NISCH: variants seen among roughly 807,000 people sequenced by gnomAD.
NISCH encodes the protein I-1 receptor candidate protein.
NISCH carries 55 observed loss-of-function variants against 138.4 expected under a neutral mutation model. That is an observed-to-expected ratio of 0.40 (90% CI 0.32 to 0.50). NISCH has a LOEUF of 0.50. Among genes scored for constraint, NISCH ranks in the 20% least tolerant of loss-of-function variants. The probability of loss-of-function intolerance (pLI) is 0.71; values close to 1 mark genes in which losing one functional copy is unlikely to be tolerated. For synonymous variants in NISCH, 860 were observed against 861.5 expected, an observed-to-expected ratio of 1.00 and a Z score of 0.03; for missense variants, 1,643 against 2,005.5, an observed-to-expected ratio of 0.82 and a Z score of 3.45.
chr3:52,465,200 G>A (rs568436630), intron 3 of NISCH, among the ~76,000 whole-genome samples: 2 of 152,054 alleles, frequency 1.3e-5, no homozygotes, highest in Non-Finnish European at 2.9e-5. Flanking sequence ...CACCATCTCG[G>A]CTCACTGCAG....
Position 52,487,301 on chromosome 3 carries a change from C to T in NISCH, c.1809C>T (p.Ile603=). 6.2e-7 allele frequency: 1 copy of T among 1,614,182 alleles called. No individual in the cohort carries two copies. The highest frequency in any genetic ancestry group is 8.5e-7 in the Non-Finnish European group (1 of 1,180,050). Residue 603 remains isoleucine, a synonymous_variant, in exon 16 of 21, where the codon ATC becomes ATT. Coordinates refer to ENST00000345716, the MANE Select transcript of NISCH (RefSeq NM_007184.4). This position sits in a 1 kb window ranked among gnomAD's most constrained non-coding sequence, Gnocchi z 9.1. ...IGYTATNQDF[I]QRLSTLIRQA... ...ACACGGCCACCAATCAGGACTTCATCCAGCGCCTGAGCACACTGATCCGGC... is the reference window on the plus strand; with the variant it reads ...ACACGGCCACCAATCAGGACTTCATTCAGCGCCTGAGCACACTGATCCGGC...
chr3:52,472,181 G>T, intron 5 of NISCH, 122 bp from the exon 6 acceptor site: 1 of 1,058,962 alleles, frequency 9.4e-7, no homozygotes, highest in Non-Finnish European at 1.4e-6. Context: ...TTAAGTCCTG[G>T]CCTGAGCCTG....
Position 52,471,851 on chromosome 3 carries a change from T to C in NISCH, c.447T>C (p.Ile149=). The C allele has an allele frequency of 6.2e-7, 1 of 1,613,930 alleles. No homozygotes were observed. The highest frequency in any genetic ancestry group is 1.7e-5 in the Admixed American group (1 of 60,014). ...TGGGGGCCGGCGAGGTCTTTGCCAT[T>C]GGACCCCTGCAGCTGTATGCCGTCA... ...QLLGAGEVFA[I]GPLQLYAVTE... Residue 149 remains isoleucine, a synonymous_variant, in exon 5 of 21, where the codon ATT becomes ATC. Transcript: ENST00000345716.
At position 52,488,350 on chromosome 3, in the gene NISCH, T is replaced by C; in HGVS notation, c.2858T>C (p.Leu953Pro). 6.2e-7 allele frequency: 1 copy of C among 1,613,598 alleles called. No homozygotes were observed. The highest frequency in any genetic ancestry group is 8.5e-7 in the Non-Finnish European group (1 of 1,180,012). ...CGTGTGCCGCTCTCCACCGTGCTGC[T>C]GGACCCCACACGCAGCTGTACCCAG... ...LSRVPLSTVLLDPTRSCTQPR... is the reference protein window; with the variant it reads ...LSRVPLSTVLPDPTRSCTQPR... Residue 953 changes from leucine (L) to proline (P), a missense_variant, in exon 16 of 21, where the codon CTG becomes CCG. Coordinates refer to ENST00000345716, the MANE Select transcript of NISCH (RefSeq NM_007184.4).
At chr3:52,457,968 G>T in intron 2 of NISCH, 42 bp downstream of exon 2, 1 of 1,485,250 alleles carries the variant, frequency 6.7e-7, no homozygotes, top group Non-Finnish European at 9.4e-7. Context: ...AGGGCTGGGG[G>T]ACCCGTAGGC....
chr3:52,471,227 GCA>G (rs1343637182), intron 4 of NISCH: 11 of 462,084 alleles, frequency 2.4e-5, no homozygotes, highest in Non-Finnish European at 3.1e-5. Flanking sequence ...CTGCCAGAGA[GCA>G]CAGTTATAGT....
intron 20 of NISCH, 21 bp downstream of exon 20, chr3:52,491,534 C>T (rs778177135): frequency 1.3e-6 from 2 of 1,598,350 alleles, no homozygotes; most frequent in Admixed American, 1.7e-5. Flanking sequence ...CTAGCTCAGG[C>T]TGCAGACAGG....
rs555660044 is a variant in NISCH, at chr3:52,474,559, G to A, written c.765+730G>A. 5.2e-3 allele frequency among the ~76,000 whole-genome samples: 785 copies of A among 152,208 alleles called. 6 individuals carry two copies. Among genetic ancestry groups the A allele is most frequent in the Non-Finnish European group, 7.4e-3 (504 of 68,006 alleles). On this transcript the variant is annotated intron_variant, in intron 7 of 20. Transcript: ENST00000345716. ...GATCCACCCGCCTCGGCCTCCCAAA[G>A]TGCTGGGATTACAGGCGTGAGCCAC...
At chr3:52,479,093 C>T (rs181895449) in intron 11 of NISCH, among the ~76,000 whole-genome samples, 13 of 152,306 alleles carry the variant, frequency 8.5e-5, no homozygotes, top group African/African-American at 2.9e-4. Flanking sequence ...TTGTGTCCCA[C>T]CTCCCTCTTT....
chr3:52,477,648 GC>G lies in NISCH; in HGVS notation c.987+8del, dbSNP rs777465008. 6.2e-7 allele frequency: 1 copy of G among 1,611,660 alleles called. No individual in the cohort carries two copies. Among genetic ancestry groups the G allele is most frequent in the East Asian group, 2.2e-5 (1 of 44,880 alleles). On this transcript the variant is annotated splice_region_variant and intron_variant, in intron 9 of 20. Transcript: ENST00000345716. ...TGGTTGTGGACAATCTGCAGGTAGT[GC>G]CTTTGGAGACCAGTGCTGCCCGCAC...
At chr3:52,468,894 T>A (rs1706861005) in intron 3 of NISCH, among the ~76,000 whole-genome samples, 1 of 151,246 alleles carries the variant, frequency 6.6e-6, no homozygotes, top group Admixed American at 6.6e-5. Flanking sequence ...GCCCAAGAAG[T>A]CATGAAGGAT....
At position 52,490,842 on chromosome 3, in the gene NISCH, C is replaced by T. The variant is rs555522650; in HGVS notation, c.3742+9C>T. On this transcript the variant is annotated intron_variant, in intron 19 of 20. Coordinates refer to ENST00000345716, the MANE Select transcript of NISCH (RefSeq NM_007184.4). ...GCATTTCCGGCTGACGGGTGGGTGA[C>T]CCTCTGTGCTTTGTCCTATTTCGGG... 1,497 of 1,614,018 alleles carry T rather than the reference C, an allele frequency of 9.3e-4. 29 individuals are homozygous for T. In the South Asian group the frequency reaches 0.016, roughly 17 times the overall value.
chr3:52,479,665 C>A, intron 11 of NISCH, 84 bp from the exon 12 acceptor site: 1 of 970,440 alleles, frequency 1.0e-6, no homozygotes, highest in Non-Finnish European at 1.6e-6. Flanking sequence ...GCTCACCAGT[C>A]CCCATGCTGA....
In NISCH at chr3:52,490,979, T is replaced by C; in HGVS notation, c.3742+146T>C. On this transcript the variant is annotated intron_variant, in intron 19 of 20. Transcript: ENST00000345716. ...CTTAACCGGGGTGGGAGGAAGCAGC[T>C]TCAGGAACTGCTGAGAGAGCAGAAC... 5.1e-6 allele frequency: 6 copies of C among 1,177,130 alleles called. No homozygotes were observed. The South Asian group carries it at 7.3e-5, about 14-fold the overall frequency. 72.9% of individuals were successfully genotyped at this position (1,177,130 alleles called of 1,614,324 possible).
At position 52,471,849 on chromosome 3, in the gene NISCH, A is replaced by G. The variant is rs770757777; in HGVS notation, c.445A>G (p.Ile149Val). The G allele has an allele frequency of 1.9e-6, 3 of 1,613,932 alleles. No individual in the cohort carries two copies. The highest frequency in any genetic ancestry group is 2.7e-5 in the African/African-American group (2 of 75,040). ...QLLGAGEVFAIGPLQLYAVTE... is the reference protein window; with the variant it reads ...QLLGAGEVFAVGPLQLYAVTE... ...CCTGGGGGCCGGCGAGGTCTTTGCC[A>G]TTGGACCCCTGCAGCTGTATGCCGT... Residue 149 changes from isoleucine (I) to valine (V), a missense_variant, in exon 5 of 21, where the codon ATT becomes GTT. Coordinates refer to ENST00000345716, the MANE Select transcript of NISCH (RefSeq NM_007184.4).
At chr3:52,485,742 G>C (rs376076428) in intron 14 of NISCH, 36 bp from the exon 15 acceptor site, 11 of 1,560,978 alleles carry the variant, frequency 7.0e-6, no homozygotes, top group Non-Finnish European at 9.6e-6. Context: ...GCTGGCTGCA[G>C]TAGGTGGGGA....
intron 11 of NISCH, among the ~76,000 whole-genome samples, chr3:52,479,094 C>A (rs1202376736): frequency 6.6e-6 from 1 of 152,206 alleles, no homozygotes. Context: ...TGTGTCCCAC[C>A]TCCCTCTTTG....
At chr3:52,474,451 C>T (rs1707043358) in intron 7 of NISCH, among the ~76,000 whole-genome samples, 2 of 152,218 alleles carry the variant, frequency 1.3e-5, no homozygotes, top group East Asian at 1.9e-4. Flanking sequence ...TGCCCGCCAC[C>T]ACACCCAGCT....
chr3:52,456,455 G>A (rs1706473111), intron 1 of NISCH, among the ~76,000 whole-genome samples: 1 of 152,162 alleles, frequency 6.6e-6, no homozygotes, highest in African/African-American at 2.4e-5. Context: ...GGGAGACAGA[G>A]GACAAATAGC....
Sources: gnomAD v4.1 joint callset for allele counts (sites outside exome capture counted in the v4.1 genomes callset) on GRCh38, gnomAD v4.1.1 for gene constraint, Gnocchi (gnomAD v3.1) non-coding constraint, MANE v1.5 for transcripts, NCBI Gene and HGNC (gene_info 2026-07-23, HGNC 2026-07-21) for gene names.